GPR39: variants seen among roughly 807,000 people sequenced by gnomAD.
The protein encoded by GPR39 is zinc sensing receptor.
In GPR39, 23 loss-of-function variants were observed where a neutral mutation model predicts 18.4. The ratio of observed to expected loss-of-function variants is 1.25; its 90% CI spans 0.90 to 1.77. The LOEUF (loss-of-function observed/expected upper bound fraction) is 1.77. Ranked by LOEUF, GPR39 falls within the 40% of genes most tolerant of loss-of-function variation. The pLI, the probability that GPR39 is intolerant of heterozygous loss-of-function variation, is 0.00. For synonymous variants in GPR39, 280 were observed against 257.9 expected, an observed-to-expected ratio of 1.09 and a Z score of -0.82; for missense variants, 647 against 602.4, an observed-to-expected ratio of 1.07 and a Z score of -0.78.
At chr2:132,541,352 G>C (rs952161870) in intron 1 of GPR39, among the ~76,000 whole-genome samples, 6 of 152,300 alleles carry the variant, frequency 3.9e-5, no homozygotes, top group South Asian at 4.1e-4. Flanking sequence ...CCAAAGTGCT[G>C]AGATTACAGG....
intron 1 of GPR39, among the ~76,000 whole-genome samples, chr2:132,528,432 T>A (rs556446391): frequency 2.6e-5 from 4 of 152,342 alleles, no homozygotes; most frequent in African/African-American, 7.2e-5. Flanking sequence ...TGGTTCCATA[T>A]GAAATTTAAA....
At chr2:132,489,830 T>G (rs1048261585) in intron 1 of GPR39, among the ~76,000 whole-genome samples, 4 of 152,010 alleles carry the variant, frequency 2.6e-5, no homozygotes, top group Admixed American at 1.3e-4. Context: ...GTATTTGTAT[T>G]AAATTTATGA....
chr2:132,518,606 C>T (rs559008024), intron 1 of GPR39, among the ~76,000 whole-genome samples: 1 of 151,974 alleles, frequency 6.6e-6, no homozygotes, highest in Non-Finnish European at 1.5e-5. Flanking sequence ...GTTAACTGAG[C>T]CTTGACAGTG....
chr2:132,465,596 A>G (rs1189358815), intron 1 of GPR39, among the ~76,000 whole-genome samples: 1 of 152,206 alleles, frequency 6.6e-6, no homozygotes, highest in African/African-American at 2.4e-5. Flanking sequence ...GAGGAGGCAT[A>G]CACATCTCCC....
At chr2:132,450,252 C>T (rs1414878616) in intron 1 of GPR39, among the ~76,000 whole-genome samples, 2 of 152,108 alleles carry the variant, frequency 1.3e-5, no homozygotes, top group African/African-American at 2.4e-5. Context: ...ACTGTACCTG[C>T]TAGGGCCACC....
chr2:132,566,483 A>G (rs1390339257), intron 1 of GPR39, among the ~76,000 whole-genome samples: 1 of 152,236 alleles, frequency 6.6e-6, no homozygotes, highest in East Asian at 1.9e-4. Flanking sequence ...GTGAGGCCAC[A>G]GAAAAATCTC....
At chr2:132,550,108 T>C (rs1366796836) in intron 1 of GPR39, among the ~76,000 whole-genome samples, 1 of 152,176 alleles carries the variant, frequency 6.6e-6, no homozygotes, top group Non-Finnish European at 1.5e-5. Context: ...AATCATGGCA[T>C]GATAAAACAC....
chr2:132,438,898 C>T (rs1680382375), intron 1 of GPR39, among the ~76,000 whole-genome samples: 1 of 152,166 alleles, frequency 6.6e-6, no homozygotes, highest in Non-Finnish European at 1.5e-5. Context: ...CGGAATTCCC[C>T]TGCTCTGCCA....
At chr2:132,506,342 C>T (rs2104754653) in intron 1 of GPR39, among the ~76,000 whole-genome samples, 2 of 152,054 alleles carry the variant, frequency 1.3e-5, no homozygotes, top group Middle Eastern at 3.4e-3. Context: ...TTATTTTTTC[C>T]ATTCAACAGG....
At chr2:132,471,140 C>CAAAGAAAGGCAAAG (rs1301947632) in intron 1 of GPR39, among the ~76,000 whole-genome samples, 100 of 152,204 alleles carry the variant, frequency 6.6e-4, no homozygotes, top group Admixed American at 5.0e-3. Context: ...GGGAAGTAGG[C>CAAAGAAAGGCAAAG]AAAGTAGAAG....
At chr2:132,426,018 A>G (rs1680112744) in intron 1 of GPR39, among the ~76,000 whole-genome samples, 1 of 152,188 alleles carries the variant, frequency 6.6e-6, no homozygotes, top group African/African-American at 2.4e-5. Flanking sequence ...TTGATAATTC[A>G]CTATGTACCA....
intron 1 of GPR39, among the ~76,000 whole-genome samples, chr2:132,438,814 G>T (rs1680380788): frequency 6.6e-6 from 1 of 152,080 alleles, no homozygotes. Context: ...TACCCTGAGG[G>T]TACACAGGGC....
At chr2:132,564,375 G>T (rs1680309488) in intron 1 of GPR39, among the ~76,000 whole-genome samples, 1 of 152,146 alleles carries the variant, frequency 6.6e-6, no homozygotes, top group Non-Finnish European at 1.5e-5. Flanking sequence ...ATAATAAACA[G>T]ATATGACTAA....
intron 1 of GPR39, among the ~76,000 whole-genome samples, chr2:132,585,996 T>C (rs1445341365): frequency 5.6e-5 from 7 of 124,136 alleles, no homozygotes; most frequent in African/African-American, 2.2e-4. Context: ...GAGTGACCAG[T>C]GGCACCGCAG....
In GPR39 at chr2:132,569,949, G is replaced by A. The variant is rs140638024; in HGVS notation, c.857-75152G>A. On this transcript the variant is annotated intron_variant, in intron 1 of 1. Transcript: ENST00000329321. ...GAGGTCTCCCCAGCCACGTGGAACT[G>A]TAAATCCAAGAGACCTCTTATGTAA... 3.9e-5 allele frequency among the ~76,000 whole-genome samples: 6 copies of A among 152,310 alleles called. No homozygotes were observed. The East Asian group carries it at 1.2e-3, about 29-fold the overall frequency.
chr2:132,499,451 A>G (rs1167923108), intron 1 of GPR39, among the ~76,000 whole-genome samples: 1 of 151,962 alleles, frequency 6.6e-6, no homozygotes, highest in Non-Finnish European at 1.5e-5. Context: ...TTTGGTGACT[A>G]TGGCCTTATA....
intron 1 of GPR39, among the ~76,000 whole-genome samples, chr2:132,553,065 A>G (rs779871260): frequency 1.3e-5 from 2 of 151,344 alleles, no homozygotes; most frequent in African/African-American, 2.4e-5. Context: ...AGATTGGATT[A>G]CAGGTGTGCA....
chr2:132,614,278 C>G (rs1332707250), intron 1 of GPR39, among the ~76,000 whole-genome samples: 28 of 152,116 alleles, frequency 1.8e-4, no homozygotes, highest in Admixed American at 1.8e-3. Context: ...GCAATCTCGG[C>G]TCACTGCAAC....
At chr2:132,561,402 C>A (rs1287517698) in intron 1 of GPR39, among the ~76,000 whole-genome samples, 1 of 152,182 alleles carries the variant, frequency 6.6e-6, no homozygotes. Context: ...TCCTGCCCCC[C>A]ATTAACTGCT....
Sources: gnomAD v4.1 joint callset for allele counts (sites outside exome capture counted in the v4.1 genomes callset) on GRCh38, gnomAD v4.1.1 for gene constraint, MANE v1.5 for transcripts, NCBI Gene and HGNC (gene_info 2026-07-23, HGNC 2026-07-21) for gene names.